The following RABGAP1L variants were observed in gnomAD, a reference collection of about 807,000 sequenced individuals.
RABGAP1L encodes the protein RAB GTPase activating protein 1 like.
In RABGAP1L, 63 loss-of-function variants were observed where a neutral mutation model predicts 137.7. That is an observed-to-expected ratio of 0.46 (90% CI 0.37 to 0.56). The LOEUF is 0.56. RABGAP1L is among the 20% of genes least tolerant of loss of function. The probability of loss-of-function intolerance (pLI) is 0.00; values close to 1 mark genes in which losing one functional copy is unlikely to be tolerated. For synonymous variants in RABGAP1L, 431 were observed against 433.7 expected (o/e 0.99, Z 0.08); for missense variants, 1,095 against 1,244.0 (o/e 0.88, Z 1.80).
intron 1 of RABGAP1L, among the ~76,000 whole-genome samples, chr1:174,162,777 G>GTTTTTTTTTTTTTTTTTTTTTTTTTTTT (rs67811794): frequency 7.8e-5 from 4 of 51,554 alleles, no homozygotes; most frequent in South Asian, 1.0e-3. Context: ...TTCTCTTTCT[G>GTTTTTTTTTTTTTTTTTTTTTTTTTTTT]TTTTTTTTTT....
At chr1:174,854,848 T>C (rs2148998941) in intron 19 of RABGAP1L, among the ~76,000 whole-genome samples, 1 of 148,362 alleles carries the variant, frequency 6.7e-6, no homozygotes, top group East Asian at 2.0e-4. Context: ...AGTGATTCTC[T>C]TGCCTCAGCC....
intron 19 of RABGAP1L, among the ~76,000 whole-genome samples, chr1:174,915,866 C>T (rs1660777522): frequency 6.6e-6 from 1 of 152,022 alleles, no homozygotes; most frequent in African/African-American, 2.4e-5. Flanking sequence ...TATTTTTTCC[C>T]AATCTGTGGC....
chr1:174,295,683 C>CTTT (rs375647532), intron 10 of RABGAP1L, among the ~76,000 whole-genome samples: 1 of 140,060 alleles, frequency 7.1e-6, no homozygotes, highest in African/African-American at 2.6e-5. Flanking sequence ...CGCAGCCAGC[C>CTTT]TTTTTTTTTT....
chr1:174,319,801 AT>A (rs149937240), intron 11 of RABGAP1L, among the ~76,000 whole-genome samples: 3,071 of 152,098 alleles, frequency 0.02, 111 homozygotes, highest in African/African-American at 0.071. Context: ...CGATCTTAGG[AT>A]TTTTCTTCTT....
At chr1:174,494,484 GTGAAA>G (rs1184741666) in intron 13 of RABGAP1L, among the ~76,000 whole-genome samples, 17 of 152,144 alleles carry the variant, frequency 1.1e-4, no homozygotes, top group Non-Finnish European at 2.5e-4. Flanking sequence ...GGTTTTCCAT[GTGAAA>G]TGAAATTATT....
intron 13 of RABGAP1L, among the ~76,000 whole-genome samples, chr1:174,418,317 A>T (rs1380745626): frequency 6.6e-6 from 1 of 152,226 alleles, no homozygotes; most frequent in Non-Finnish European, 1.5e-5. Flanking sequence ...TTGTTTATGG[A>T]ACTCAATGTA....
At chr1:174,554,185 A>G (rs781260810) in intron 13 of RABGAP1L, among the ~76,000 whole-genome samples, 1 of 152,192 alleles carries the variant, frequency 6.6e-6, no homozygotes, top group Admixed American at 6.5e-5. Context: ...AGTGTTTTTC[A>G]AATATAAGTA....
At chr1:174,801,685 T>G (rs1479591300) in intron 18 of RABGAP1L, among the ~76,000 whole-genome samples, 1 of 152,262 alleles carries the variant, frequency 6.6e-6, no homozygotes, top group African/African-American at 2.4e-5. Context: ...GACATGTGTT[T>G]TAATGTCCAG....
At chr1:174,268,305 T>C (rs10798308) in intron 7 of RABGAP1L, among the ~76,000 whole-genome samples, 42,238 of 151,298 alleles carry the variant, frequency 0.28, 6,517 homozygotes, top group African/African-American at 0.4. Flanking sequence ...GTTCACGCCA[T>C]TCTCCTGCCT....
At chr1:174,808,542 G>A (rs983439943) in intron 18 of RABGAP1L, among the ~76,000 whole-genome samples, 3 of 152,054 alleles carry the variant, frequency 2.0e-5, no homozygotes, top group African/African-American at 7.2e-5. Context: ...CAACACAGAT[G>A]CTATCACCCC....
intron 19 of RABGAP1L, among the ~76,000 whole-genome samples, chr1:174,856,265 G>A (rs1050164921): frequency 1.2e-4 from 18 of 151,816 alleles, no homozygotes; most frequent in African/African-American, 4.4e-4. Context: ...GTGTGGTGGC[G>A]GGCACCTGTA....
intron 14 of RABGAP1L, among the ~76,000 whole-genome samples, chr1:174,658,832 GTT>G (rs1405873774): frequency 2.0e-5 from 3 of 152,136 alleles, no homozygotes; most frequent in Non-Finnish European, 4.4e-5. Flanking sequence ...TTCTTCATGA[GTT>G]TTACTTATGA....
intron 20 of RABGAP1L, among the ~76,000 whole-genome samples, chr1:174,963,339 G>A (rs1192719169): frequency 6.6e-6 from 1 of 152,026 alleles, no homozygotes; most frequent in Non-Finnish European, 1.5e-5. Context: ...GTTATAGGAT[G>A]GTGAAGATGC....
At chr1:174,365,248 TAGG>T (rs1684512483) in intron 11 of RABGAP1L, 1 of 152,226 alleles carries the variant, frequency 6.6e-6, no homozygotes. Context: ...TGTCAAATTG[TAGG>T]AGAACACCCG....
At chr1:174,884,139 A>G (rs982561561) in intron 19 of RABGAP1L, among the ~76,000 whole-genome samples, 5 of 152,252 alleles carry the variant, frequency 3.3e-5, no homozygotes, top group African/African-American at 9.6e-5. Context: ...AGACTAACAC[A>G]TGGCTATACT....
chr1:174,940,900 G>C (rs759272133), intron 19 of RABGAP1L, among the ~76,000 whole-genome samples: 33 of 152,150 alleles, frequency 2.2e-4, no homozygotes, highest in Non-Finnish European at 3.7e-4. Flanking sequence ...CACTGAGCTA[G>C]CAACTACCAA....
At chr1:174,984,634 C>T (rs545404649) in intron 24 of RABGAP1L, among the ~76,000 whole-genome samples, 50 of 152,248 alleles carry the variant, frequency 3.3e-4, no homozygotes, top group African/African-American at 1.2e-3. Context: ...CTCAGCTACT[C>T]TGGAGGCTGA....
chr1:174,657,765 T>C (rs1236726962), intron 14 of RABGAP1L, among the ~76,000 whole-genome samples: 5 of 152,182 alleles, frequency 3.3e-5, no homozygotes, highest in African/African-American at 1.2e-4. Flanking sequence ...AGTAGTGGGA[T>C]TGCTGGATCA....
chr1:174,332,890 A>G (rs1186449099), intron 11 of RABGAP1L, among the ~76,000 whole-genome samples: 2 of 152,222 alleles, frequency 1.3e-5, no homozygotes, highest in East Asian at 3.8e-4. Flanking sequence ...ATGTTTATTT[A>G]TAATAGCCAA....
Sources: allele counts gnomAD v4.1 joint callset (sites outside exome capture counted in the v4.1 genomes callset), GRCh38; gene constraint gnomAD v4.1.1; transcripts MANE v1.5; gene names NCBI Gene and HGNC (gene_info 2026-07-23, HGNC 2026-07-21).